Variants in GNPNAT1 observed in about 807,000 individuals in gnomAD.
GNPNAT1 encodes glucosamine-phosphate N-acetyltransferase 1, also known as glucosamine 6-phosphate N-acetyltransferase.
A neutral mutation model predicts 19.8 loss-of-function variants in GNPNAT1; 11 were observed. The ratio of observed to expected loss-of-function variants is 0.56; its 90% CI spans 0.35 to 0.92. The LOEUF (loss-of-function observed/expected upper bound fraction) is 0.92, where lower values mean the gene tolerates loss of function less well. Among genes scored for constraint, GNPNAT1 ranks in the 40% least tolerant of loss-of-function variants. The pLI is 0.01. For synonymous variants in GNPNAT1, 71 were observed against 72.3 expected (o/e 0.98, Z 0.09); for missense variants, 157 against 211.0 (o/e 0.74, Z 1.59).
At chr14:52,784,395 AAT>A (rs1252814234) in intron 2 of GNPNAT1, 100 bp downstream of exon 2, 1 of 932,168 alleles carries the variant, frequency 1.1e-6, no homozygotes, top group African/African-American at 1.7e-5. Context: ...TTATACAAAA[AAT>A]AGTCCAAAAG....
chr14:52,779,715 C>A (rs868759316), intron 5 of GNPNAT1, among the ~76,000 whole-genome samples: 2 of 116,666 alleles, frequency 1.7e-5, no homozygotes, highest in African/African-American at 3.4e-5. Flanking sequence ...AGAAAGAGAT[C>A]CCATCTCTTA....
intron 1 of GNPNAT1, among the ~76,000 whole-genome samples, chr14:52,790,852 C>G (rs1014389657): frequency 6.6e-5 from 10 of 152,148 alleles, no homozygotes; most frequent in African/African-American, 2.2e-4. Context: ...AACATCAGCT[C>G]CCGCAACAGA....
At chr14:52,786,772 T>C (rs1883029158) in intron 1 of GNPNAT1, among the ~76,000 whole-genome samples, 2 of 150,032 alleles carry the variant, frequency 1.3e-5, no homozygotes, top group Admixed American at 6.7e-5. Flanking sequence ...ACAGAATTGC[T>C]AAAAGAAACA....
At chr14:52,780,372 T>C (rs1882864049) in intron 5 of GNPNAT1, among the ~76,000 whole-genome samples, 1 of 152,134 alleles carries the variant, frequency 6.6e-6, no homozygotes, top group Admixed American at 6.5e-5. Context: ...TTTTTAAATA[T>C]GACAGAGAAG....
In GNPNAT1 at chr14:52,780,689, G is replaced by C; in HGVS notation, c.397C>G (p.Leu133Val). The change falls in exon 5 of 6, where the codon CTT (leucine) becomes GTT (valine). Residue 133 changes from leucine to valine, a missense_variant. Transcript: ENST00000216410. ...TTTCTGCCTACTTACAATTTGCCAA[G>C]CTGCTTTCCTCTGCATTCATCACTA... The part of the protein sequence containing the change: ...VVSDECRGKQ[L>V]GKLLLSTLTL... The C allele has an allele frequency of 6.2e-7, 1 of 1,604,516 alleles. No individual in the cohort carries two copies. Among genetic ancestry groups the C allele is most frequent in the Non-Finnish European group, 8.5e-7 (1 of 1,172,072 alleles).
At chr14:52,789,557 A>G (rs1397039489) in intron 1 of GNPNAT1, among the ~76,000 whole-genome samples, 1 of 152,218 alleles carries the variant, frequency 6.6e-6, no homozygotes, top group Non-Finnish European at 1.5e-5. Flanking sequence ...GGCCCACTTT[A>G]GCTCACTCTG....
At chr14:52,781,979 TAGGA>T in intron 3 of GNPNAT1, 68 bp from the exon 4 acceptor site, 1 of 1,376,222 alleles carries the variant, frequency 7.3e-7, no homozygotes. Context: ...AGAAAAATAT[TAGGA>T]TTAGCTGACT....
chr14:52,790,919 A>C (rs1032998531), intron 1 of GNPNAT1, among the ~76,000 whole-genome samples: 2 of 152,194 alleles, frequency 1.3e-5, no homozygotes, highest in Non-Finnish European at 2.9e-5. Flanking sequence ...AAAGAGACAA[A>C]GAATGTCCCT....
In GNPNAT1 at chr14:52,777,632, C is replaced by T. The variant is rs1426058670; in HGVS notation, c.*679G>A. On this transcript the variant is annotated 3_prime_UTR_variant, in exon 6 of 6. Transcript: ENST00000216410. Reference sequence around the variant, plus strand: ...TAGGTATTTTTAACAAATGAATAGTCATAATTCACAGAAAAGACAAGTGGT... The same window carrying T: ...TAGGTATTTTTAACAAATGAATAGTTATAATTCACAGAAAAGACAAGTGGT... 1 of 152,160 alleles carries T rather than the reference C, an allele frequency of 6.6e-6. No individual in the cohort carries two copies. Among genetic ancestry groups the T allele is most frequent in the Non-Finnish European group, 1.5e-5 (1 of 68,022 alleles). 9.4% of individuals were successfully genotyped at this position (152,160 alleles called of 1,614,324 possible).
At chr14:52,781,664 T>C in intron 4 of GNPNAT1, 120 bp downstream of exon 4, 1 of 892,954 alleles carries the variant, frequency 1.1e-6, no homozygotes. Flanking sequence ...CAGAACACAC[T>C]GGGAAAAGGG....
rs575196041 is a variant in GNPNAT1, at chr14:52,777,334, T to TA, written c.*976dup. 6.2e-4 allele frequency: 95 copies of TA among 152,704 alleles called. No individual in the cohort carries two copies. The highest frequency in any genetic ancestry group is 2.2e-3 in the African/African-American group (93 of 41,564). The allele number at this position is 152,704 out of a possible 1,614,324, so 9.5% of individuals were successfully genotyped here. On this transcript the variant is annotated 3_prime_UTR_variant, in exon 6 of 6. Coordinates refer to ENST00000216410, the MANE Select transcript of GNPNAT1 (RefSeq NM_198066.4). ...ATTAAAATATTTAATTCTTCAACTT[T>TA]AAAAAATTAAATAAAATCAAAATAG...
intron 3 of GNPNAT1, among the ~76,000 whole-genome samples, chr14:52,782,318 A>G (rs1882912923): frequency 6.6e-6 from 1 of 152,128 alleles, no homozygotes; most frequent in African/African-American, 2.4e-5. Context: ...GCATGTTTAC[A>G]TGGCTCAATT....
rs1429467763 is a variant in GNPNAT1 at position 52,776,276 on chromosome 14, A to G, written c.*2035T>C. 1 of 152,160 alleles carries G rather than the reference A, an allele frequency of 6.6e-6. No individual in the cohort carries two copies. Among genetic ancestry groups the G allele is most frequent in the Non-Finnish European group, 1.5e-5 (1 of 68,020 alleles). 9.4% of individuals were successfully genotyped at this position (152,160 alleles called of 1,614,324 possible). Reference sequence around the variant, plus strand: ...AAAAAAAAAGTTTAAGAAGTGTTTTATGTAGCACTTTTTTCATATTTACAT... The same window carrying G: ...AAAAAAAAAGTTTAAGAAGTGTTTTGTGTAGCACTTTTTTCATATTTACAT... On this transcript the variant is annotated 3_prime_UTR_variant, in exon 6 of 6. Coordinates refer to ENST00000216410, the MANE Select transcript of GNPNAT1 (RefSeq NM_198066.4).
intron 1 of GNPNAT1, among the ~76,000 whole-genome samples, chr14:52,789,653 G>A (rs147178999): frequency 4.9e-3 from 747 of 152,192 alleles, no homozygotes; most frequent in Non-Finnish European, 8.6e-3. Context: ...GGTTCCAAGG[G>A]GGTTTAGAAC....
chr14:52,782,992 A>G (rs1427369322), intron 3 of GNPNAT1, among the ~76,000 whole-genome samples: 2 of 152,038 alleles, frequency 1.3e-5, no homozygotes, highest in Non-Finnish European at 2.9e-5. Flanking sequence ...GTCTAAAAGA[A>G]GAGGGGCAGG....
At position 52,787,352 on chromosome 14, in the gene GNPNAT1, T is replaced by C. The variant is rs532497385; in HGVS notation, c.-14-2688A>G. On this transcript the variant is annotated intron_variant, in intron 1 of 5. Coordinates refer to ENST00000216410, the MANE Select transcript of GNPNAT1 (RefSeq NM_198066.4). ...TAACTATATAAGCAATGCTGCAATA[T>C]ACTAGTTATGGGAAGGTAGTGTGAT... Among the ~76,000 whole-genome samples, 2 of 152,262 alleles carry C rather than the reference T, an allele frequency of 1.3e-5. 1 individual carries two copies. Among genetic ancestry groups the C allele is most frequent in the East Asian group, 3.9e-4 (2 of 5,110 alleles).
intron 1 of GNPNAT1, among the ~76,000 whole-genome samples, chr14:52,786,326 G>A (rs1023836573): frequency 4.0e-5 from 6 of 151,696 alleles, no homozygotes; most frequent in East Asian, 2.0e-4. Context: ...CCAACATGGC[G>A]AAACCCTGTC....
intron 2 of GNPNAT1, 107 bp downstream of exon 2, chr14:52,784,389 AC>A: frequency 1.2e-6 from 1 of 846,046 alleles, no homozygotes; most frequent in Non-Finnish European, 1.7e-6. Flanking sequence ...TAAGTATTAT[AC>A]AAAAAATAGT....
At chr14:52,787,897 C>A (rs560512600) in intron 1 of GNPNAT1, 1 of 151,868 alleles carries the variant, frequency 6.6e-6, no homozygotes. Flanking sequence ...CAGGCTCTTA[C>A]GTTTATGTTA....
Sources: allele counts gnomAD v4.1 joint callset (sites outside exome capture counted in the v4.1 genomes callset), GRCh38; gene constraint gnomAD v4.1.1; transcripts MANE v1.5; gene names NCBI Gene and HGNC (gene_info 2026-07-23, HGNC 2026-07-21).